Variants in HERC2 observed in about 807,000 individuals in gnomAD.
The protein encoded by HERC2 is HECT and RLD domain containing E3 ubiquitin protein ligase 2.
HERC2 carries 102 observed loss-of-function variants against 537.7 expected under a neutral mutation model. The observed-to-expected ratio is 0.19, with a 90% CI of 0.16 to 0.22. The LOEUF is 0.22. Ranked by LOEUF, HERC2 falls within the 10% of genes least tolerant of loss-of-function variation. The probability of loss-of-function intolerance (pLI) is 1.00; values close to 1 mark genes in which losing one functional copy is unlikely to be tolerated. For missense variants in HERC2, 4,236 were observed against 6,198.2 expected (o/e 0.68, Z 10.63); for synonymous variants, 2,224 against 2,466.2 (o/e 0.90, Z 2.91).
chr15:28,157,720 T>G (rs1214136333), intron 69 of HERC2, among the ~76,000 whole-genome samples: 1 of 152,188 alleles, frequency 6.6e-6, no homozygotes, highest in Admixed American at 6.5e-5. Flanking sequence ...TTTTGAAGGG[T>G]TTTTTGTGTC....
At chr15:28,204,401 C>T (rs540910215) in intron 45 of HERC2, among the ~76,000 whole-genome samples, 1 of 152,236 alleles carries the variant, frequency 6.6e-6, no homozygotes, top group African/African-American at 2.4e-5. Context: ...GAGGGCGGAT[C>T]ATGAGGTCAG....
intron 30 of HERC2, among the ~76,000 whole-genome samples, chr15:28,232,066 G>T (rs1446936049): frequency 6.6e-6 from 1 of 152,148 alleles, no homozygotes; most frequent in Non-Finnish European, 1.5e-5. Context: ...TCCGGATCCA[G>T]AGCACCCCTC....
In HERC2 at chr15:28,272,953, C is replaced by T. The variant is rs1450753915; in HGVS notation, c.852G>A (p.Gln284=). 2 of 1,612,490 alleles carry T rather than the reference C, an allele frequency of 1.2e-6. No individual in the cohort carries two copies. Among genetic ancestry groups the T allele is most frequent in the Admixed American group, 3.3e-5 (2 of 60,028 alleles). Residue 284 remains glutamine, a synonymous_variant, in exon 8 of 93, where the codon CAG becomes CAA. Transcript: ENST00000261609. ...GGATGGCCAGGGCCAAGTGCTGGTC[C>T]TGCAGGGGGATGCTTCCTGGCCCTT... ...ATKGPGSIPL[Q]DQHLALAILL...
intron 55 of HERC2, among the ~76,000 whole-genome samples, chr15:28,187,492 C>A (rs187523143): frequency 6.6e-6 from 1 of 151,900 alleles, no homozygotes; most frequent in Non-Finnish European, 1.5e-5. Flanking sequence ...CCACCACACC[C>A]GGCTAATTTT....
intron 16 of HERC2, among the ~76,000 whole-genome samples, chr15:28,258,442 G>A (rs1210789565): frequency 4.6e-5 from 7 of 152,012 alleles, no homozygotes; most frequent in African/African-American, 9.7e-5. Flanking sequence ...ATTGCACTCC[G>A]GCCTGGGCAA....
chr15:28,196,556 A>G lies in HERC2; in HGVS notation c.8025T>C (p.Asn2675=). 1 of 1,609,024 alleles carries G rather than the reference A, an allele frequency of 6.2e-7. No homozygotes were observed. The highest frequency in any genetic ancestry group is 8.5e-7 in the Non-Finnish European group (1 of 1,175,386). The stretch of plus-strand genomic sequence containing the variant: ...GAAAGTCGACAATGATATCTTTTCC[A>G]TTGGCACTGAAAGCTAGGACAGAAC... ...SVGVVKAFSA[N]GKDIIVDFPQ... The change falls in exon 51 of 93, where the codon AAT becomes AAC. Residue 2675 remains asparagine (N), a synonymous_variant. Transcript: ENST00000261609.
At chr15:28,208,091 A>G (rs531932665) in intron 44 of HERC2, among the ~76,000 whole-genome samples, 2 of 152,274 alleles carry the variant, frequency 1.3e-5, no homozygotes, top group South Asian at 4.2e-4. Context: ...TCCAATCTCT[A>G]CAACTGGGAA....
chr15:28,273,227 AT>A, intron 7 of HERC2: 1 of 588,408 alleles, frequency 1.7e-6, no homozygotes, highest in East Asian at 2.9e-5. Context: ...CTCAGATACT[AT>A]ATTACAGTAG....
Position 28,201,480 on chromosome 15 carries a change from A to G in HERC2, c.7692T>C (p.Ala2564=). 1.2e-6 allele frequency: 2 copies of G among 1,609,786 alleles called. No homozygotes were observed. The highest frequency in any genetic ancestry group is 8.5e-7 in the Non-Finnish European group (1 of 1,176,066). ...CCTGAATATTCTCTCTCACATATAC[A>G]GCATAATCATCATTACTCAAGAAAT... is the stretch of plus-strand genomic sequence containing the variant. ...RADFLSNDDY[A]VYVRENIQVG... is the part of the protein sequence containing the mutation. Residue 2564 remains alanine (A), a synonymous_variant, in exon 48 of 93, where the codon GCT becomes GCC. Coordinates refer to ENST00000261609, the MANE Select transcript of HERC2 (RefSeq NM_004667.6).
intron 52 of HERC2, 62 bp from the exon 53 acceptor site, chr15:28,192,213 C>G: frequency 1.4e-6 from 2 of 1,385,088 alleles, no homozygotes; most frequent in East Asian, 4.6e-5. Flanking sequence ...ACATCATGAT[C>G]AAGAATATTA....
chr15:28,245,941 G>C lies in HERC2; in HGVS notation c.3517C>G (p.His1173Asp). The change falls in exon 23 of 93, where the codon CAT becomes GAT. Residue 1173 changes from histidine to aspartate, a missense_variant. Physicochemically the swap from His to Asp is moderately conservative, Grantham distance 81. Coordinates refer to ENST00000261609, the MANE Select transcript of HERC2 (RefSeq NM_004667.6). ...TCCCGTTCCTTTCCTGGTGCCAGAT[G>C]GTTGAACCGATCCAGATGTTCCAAC... ...GLLEHLDRFN[H>D]LAPGKERDDH... 1.9e-6 allele frequency: 3 copies of C among 1,614,106 alleles called. No homozygotes were observed. Among genetic ancestry groups the C allele is most frequent in the South Asian group, 2.2e-5 (2 of 91,076 alleles).
At chr15:28,256,027 GA>G in intron 18 of HERC2, 31 bp from the exon 19 acceptor site, 1 of 1,605,022 alleles carries the variant, frequency 6.2e-7, no homozygotes. Flanking sequence ...CAATTTGAGT[GA>G]AACGCCATTC....
chr15:28,176,540 C>T lies in HERC2; in HGVS notation c.9574G>A (p.Gly3192Ser). ...FGKLGRGGSE[G>S]CNIPQNIERL... is the part of the protein sequence containing the mutation. ...TCAATGTTCTGGGGAATGTTACAGCCTTCACTTCCGCCCCGGCCCAGTTTT... is the reference window on the plus strand; with the variant it reads ...TCAATGTTCTGGGGAATGTTACAGCTTTCACTTCCGCCCCGGCCCAGTTTT... Residue 3192 changes from glycine to serine, a missense_variant, in exon 63 of 93, where the codon GGC becomes AGC. Physicochemically the swap from Gly to Ser is moderately conservative, Grantham distance 56 (BLOSUM62 0). This residue lies in a region of HERC2 where 93 missense variants were observed against 265.1 expected (regional missense o/e 0.35). Coordinates refer to ENST00000261609, the MANE Select transcript of HERC2 (RefSeq NM_004667.6). This position sits in a 1 kb window ranked among gnomAD's most constrained non-coding sequence, Gnocchi z 5.0. 1 of 1,614,182 alleles carries T rather than the reference C, an allele frequency of 6.2e-7. No homozygotes were observed. Among genetic ancestry groups the T allele is most frequent in the Non-Finnish European group, 8.5e-7 (1 of 1,180,038 alleles).
At chr15:28,173,892 A>AAGG (rs1162334579) in intron 65 of HERC2, among the ~76,000 whole-genome samples, 3 of 152,022 alleles carry the variant, frequency 2.0e-5, no homozygotes, top group Admixed American at 6.5e-5. Context: ...ATACGGCAGG[A>AAGG]AGGAGGGAGT....
At chr15:28,153,864 A>G (rs1040225636) in intron 69 of HERC2, among the ~76,000 whole-genome samples, 5 of 152,092 alleles carry the variant, frequency 3.3e-5, no homozygotes, top group Non-Finnish European at 7.4e-5. Context: ...CTAGAAGGCA[A>G]CGGAGCCCGG....
intron 1 of HERC2, among the ~76,000 whole-genome samples, chr15:28,321,688 G>A (rs1407992687): frequency 1.6e-5 from 2 of 122,966 alleles, no homozygotes; most frequent in Middle Eastern, 4.1e-3. Context: ...CCGAGTTTCT[G>A]CACCACGCTG....
In HERC2 at chr15:28,316,516, C is replaced by G. The variant is rs572842605; in HGVS notation, c.72+4846G>C. ...TTGCTGCAAAATGCTCTCAATTAAC[C>G]TGACAAAATGTCACATACAGGGTTA... is the stretch of plus-strand genomic sequence containing the variant. On this transcript the variant is annotated intron_variant, in intron 2 of 92. Coordinates refer to ENST00000261609, the MANE Select transcript of HERC2 (RefSeq NM_004667.6). 2.0e-5 allele frequency among the ~76,000 whole-genome samples: 3 copies of G among 152,280 alleles called. No individual in the cohort carries two copies. In the South Asian group the frequency reaches 6.2e-4, roughly 32 times the overall value.
At chr15:28,298,158 T>G (rs1340599815) in intron 3 of HERC2, among the ~76,000 whole-genome samples, 1 of 142,466 alleles carries the variant, frequency 7.0e-6, no homozygotes, top group African/African-American at 2.6e-5. Context: ...GTGTTTTTTG[T>G]TTTTTTTTTT....
chr15:28,143,045 G>T (rs1891382964), intron 74 of HERC2, 93 bp from the exon 75 acceptor site: 3 of 1,151,878 alleles, frequency 2.6e-6, no homozygotes, highest in Non-Finnish European at 3.6e-6. Flanking sequence ...TATTATGTTG[G>T]TACTAACTCT....
Sources: gnomAD v4.1 joint callset for allele counts (sites outside exome capture counted in the v4.1 genomes callset) on GRCh38, gnomAD v4.1.1 for gene constraint, gnomAD v4.1.1 regional missense constraint, Gnocchi (gnomAD v3.1) non-coding constraint, MANE v1.5 for transcripts, NCBI Gene and HGNC (gene_info 2026-07-23, HGNC 2026-07-21) for gene names.